The following ZNF239 variants were observed in gnomAD, a reference collection of about 807,000 sequenced individuals.
The protein encoded by ZNF239 is zinc finger protein 239.
ZNF239 carries 16 observed loss-of-function variants against 27.5 expected under a neutral mutation model. That is an observed-to-expected ratio of 0.58 (90% CI 0.39 to 0.88). The LOEUF (loss-of-function observed/expected upper bound fraction) is 0.88, where lower values mean the gene tolerates loss of function less well. Ranked by LOEUF, ZNF239 falls within the 40% of genes least tolerant of loss-of-function variation. The probability of loss-of-function intolerance (pLI) is 0.00; values close to 1 mark genes in which losing one functional copy is unlikely to be tolerated. For synonymous variants in ZNF239, 199 were observed against 192.6 expected, an observed-to-expected ratio of 1.03 and a Z score of -0.27; for missense variants, 527 against 551.9, an observed-to-expected ratio of 0.95 and a Z score of 0.45.
At chr10:43,558,951 C>T (rs1443008392) in intron 3 of ZNF239, among the ~76,000 whole-genome samples, 3 of 151,970 alleles carry the variant, frequency 2.0e-5, no homozygotes, top group African/African-American at 7.3e-5. Flanking sequence ...GCCTAACCAG[C>T]CACGAAAGCA....
intron 2 of ZNF239, chr10:43,570,820 G>A (rs1384545030): frequency 3.1e-6 from 3 of 981,126 alleles, no homozygotes; most frequent in Non-Finnish European, 3.6e-6. Flanking sequence ...GACAACCAGA[G>A]TTATTAATTT....
At position 43,557,315 on chromosome 10, in the gene ZNF239, T is replaced by C; in HGVS notation, c.765A>G (p.Ala255=). The C allele has an allele frequency of 6.2e-7, 1 of 1,613,928 alleles. No homozygotes were observed. The highest frequency in any genetic ancestry group is 1.3e-5 in the African/African-American group (1 of 74,970). ...TRSSSLLIHQ[A]VHTDEKPYKC... ...TATAAGGCTTCTCATCTGTGTGGAC[T>C]GCCTGATGGATAAGCAGACTCGAGC... Residue 255 remains alanine, a synonymous_variant, in exon 4 of 4, where the codon GCA becomes GCG. Transcript: ENST00000374446.
chr10:43,569,836 G>C (rs1466620364), intron 2 of ZNF239, among the ~76,000 whole-genome samples: 1 of 152,154 alleles, frequency 6.6e-6, no homozygotes, highest in Non-Finnish European at 1.5e-5. Flanking sequence ...AGCAGGGCCT[G>C]GCACATAAAG....
At position 43,556,769 on chromosome 10, in the gene ZNF239, C is replaced by T. The variant is rs1355374857; in HGVS notation, c.1311G>A (p.Gly437=). 4 of 1,613,954 alleles carry T rather than the reference C, an allele frequency of 2.5e-6. No homozygotes were observed. Among genetic ancestry groups the T allele is most frequent in the East Asian group, 2.2e-5 (1 of 44,886 alleles). The stretch of plus-strand genomic sequence containing the variant: ...GGTTGGAGCTCTGGCTGAAGCCCTT[C>T]CCACACTTGCTGCACTCATAGGGCT... The part of the protein sequence containing the change: ...GEKPYECSKC[G]KGFSQSSNLH... The change falls in exon 4 of 4, where the codon GGG becomes GGA. Residue 437 remains glycine, a synonymous_variant. Transcript: ENST00000374446.
Position 43,557,497 on chromosome 10 carries a change from G to A in ZNF239, c.583C>T (p.His195Tyr). The A allele has an allele frequency of 2.5e-6, 4 of 1,614,160 alleles. No individual in the cohort carries two copies. Among genetic ancestry groups the A allele is most frequent in the Non-Finnish European group, 3.4e-6 (4 of 1,180,030 alleles). ...GKILNTSPDG[H>Y]PYEKIHTAEK... The stretch of plus-strand genomic sequence containing the variant: ...GCAGTGTGGATTTTCTCATATGGAT[G>A]ACCATCTGGGCTGGTGTTAAGTATT... The change falls in exon 4 of 4, where the codon CAT becomes TAT. Residue 195 changes from histidine to tyrosine, a missense_variant. Coordinates refer to ENST00000374446, the MANE Select transcript of ZNF239 (RefSeq NM_001099282.2).
intron 2 of ZNF239, among the ~76,000 whole-genome samples, chr10:43,569,658 A>G (rs187707552): frequency 3.3e-5 from 5 of 152,310 alleles, no homozygotes; most frequent in East Asian, 3.9e-4. Context: ...CATCCTGTAT[A>G]TATCATTTTC....
intron 2 of ZNF239, among the ~76,000 whole-genome samples, chr10:43,572,608 C>G (rs190757083): frequency 1.3e-5 from 2 of 152,302 alleles, no homozygotes; most frequent in Non-Finnish European, 1.5e-5. Flanking sequence ...AAACAAAGGA[C>G]AAGGCACTTT....
chr10:43,557,146 C>T lies in ZNF239; in HGVS notation c.934G>A (p.Val312Ile), dbSNP rs1328403095. 2 of 1,613,522 alleles carry T rather than the reference C, an allele frequency of 1.2e-6. No homozygotes were observed. Among genetic ancestry groups the T allele is most frequent in the Non-Finnish European group, 1.7e-6 (2 of 1,179,784 alleles). Residue 312 changes from valine (V) to isoleucine (I), a missense_variant, in exon 4 of 4, where the codon GTC becomes ATC. Val to Ile is a conservative substitution (Grantham distance 29). Coordinates refer to ENST00000374446, the MANE Select transcript of ZNF239 (RefSeq NM_001099282.2). ...QSSKLHIHQR[V>I]HTGEKPYECE... ...TCATAGGGCTTCTCTCCAGTGTGGA[C>T]TCGCTGGTGGATGTGCAGTTTGGAG...
At chr10:43,563,212 G>A (rs575449050) in intron 3 of ZNF239, among the ~76,000 whole-genome samples, 1 of 152,258 alleles carries the variant, frequency 6.6e-6, no homozygotes, top group South Asian at 2.1e-4. Context: ...CTACTCAGGA[G>A]GCTGAGTCAG....
intron 3 of ZNF239, among the ~76,000 whole-genome samples, chr10:43,565,039 C>T (rs923121846): frequency 6.6e-5 from 10 of 152,076 alleles, no homozygotes; most frequent in African/African-American, 2.2e-4. Flanking sequence ...CAATAATGTC[C>T]CCAAGGGGTG....
intron 2 of ZNF239, chr10:43,568,475 C>T (rs1473514330): frequency 2.0e-6 from 2 of 984,616 alleles, no homozygotes; most frequent in African/African-American, 3.5e-5. Flanking sequence ...TACCTGGACC[C>T]CTCTACTCTT....
chr10:43,571,415 G>GTTTCT (rs1838028497), intron 2 of ZNF239, among the ~76,000 whole-genome samples: 1 of 151,682 alleles, frequency 6.6e-6, no homozygotes, highest in Admixed American at 6.6e-5. Flanking sequence ...TTCAGTCTCA[G>GTTTCT]GACAATAGCC....
intron 3 of ZNF239, among the ~76,000 whole-genome samples, chr10:43,561,081 T>C (rs1256013581): frequency 6.6e-6 from 1 of 152,092 alleles, no homozygotes; most frequent in Non-Finnish European, 1.5e-5. Context: ...ATGGCTAAGA[T>C]GGAAGATTGA....
chr10:43,570,498 AT>A, intron 2 of ZNF239: 2 of 984,706 alleles, frequency 2.0e-6, no homozygotes, highest in Non-Finnish European at 2.4e-6. Flanking sequence ...CTTCCTGTGC[AT>A]TCTAGATCAA....
At chr10:43,573,424 G>A (rs1404139561) in intron 2 of ZNF239, among the ~76,000 whole-genome samples, 1 of 152,190 alleles carries the variant, frequency 6.6e-6, no homozygotes, top group Admixed American at 6.5e-5. Flanking sequence ...CTGAGGAGTG[G>A]AATAAATTCT....
chr10:43,556,897 T>C lies in ZNF239; in HGVS notation c.1183A>G (p.Arg395Gly). The C allele has an allele frequency of 1.2e-6, 2 of 1,609,956 alleles. No individual in the cohort carries two copies. The highest frequency in any genetic ancestry group is 2.2e-5 in the South Asian group (2 of 90,850). ...SQSSDLRIHL[R>G]VHTGEKPYHC... is the part of the protein sequence containing the mutation. ...TAGGGCTTCTCTCCAGTGTGGACTC[T>C]GAGATGGATGCGAAGATCCGAGCTC... Residue 395 changes from arginine (R) to glycine (G), a missense_variant, in exon 4 of 4, where the codon AGA (arginine) becomes GGA (glycine). Arg to Gly is a moderately radical substitution (Grantham distance 125). Coordinates refer to ENST00000374446, the MANE Select transcript of ZNF239 (RefSeq NM_001099282.2).
rs750929064 is a variant in ZNF239 at position 43,557,741 on chromosome 10, T to C, written c.339A>G (p.Ser113=). 6.2e-7 allele frequency: 1 copy of C among 1,614,120 alleles called. No homozygotes were observed. The highest frequency in any genetic ancestry group is 1.1e-5 in the South Asian group (1 of 91,078). ...ERKVIKGESC[S]ENLQVKLVSD... ...ACACCAGTTTAACTTGAAGGTTCTCTGAACAACTTTCCCCCTTTATCACTT... is the reference window on the plus strand; with the variant it reads ...ACACCAGTTTAACTTGAAGGTTCTCCGAACAACTTTCCCCCTTTATCACTT... Residue 113 remains serine (S), a synonymous_variant, in exon 4 of 4, where the codon TCA becomes TCG. Coordinates refer to ENST00000374446, the MANE Select transcript of ZNF239 (RefSeq NM_001099282.2).
At chr10:43,564,391 AT>A in intron 3 of ZNF239, 1 of 455,550 alleles carries the variant, frequency 2.2e-6, no homozygotes, top group Non-Finnish European at 2.9e-6. Flanking sequence ...AATCTGACTA[AT>A]TTTTACCCTA....
intron 2 of ZNF239, 32 bp from the exon 3 acceptor site, chr10:43,568,053 A>C: frequency 1.0e-6 from 1 of 985,878 alleles, no homozygotes; most frequent in Non-Finnish European, 1.2e-6. Flanking sequence ...TCCTCAACAA[A>C]CAACCATCTG....
Sources: gnomAD v4.1 joint callset for allele counts (sites outside exome capture counted in the v4.1 genomes callset) on GRCh38, gnomAD v4.1.1 for gene constraint, MANE v1.5 for transcripts, NCBI Gene and HGNC (gene_info 2026-07-23, HGNC 2026-07-21) for gene names.